Variants in TNN observed in about 807,000 individuals in gnomAD.
TNN encodes the protein tenascin-N.
A neutral mutation model predicts 134.4 loss-of-function variants in TNN; 122 were observed. The ratio of observed to expected loss-of-function variants is 0.91; its 90% CI spans 0.78 to 1.06. The LOEUF (loss-of-function observed/expected upper bound fraction) is 1.06, where lower values mean the gene tolerates loss of function less well. Among genes scored for constraint, TNN ranks in the 50% least tolerant of loss-of-function variants. The pLI, the probability that TNN is intolerant of heterozygous loss-of-function variation, is 0.00. For missense variants in TNN, 1,739 were observed against 1,699.4 expected (o/e 1.02, Z -0.41); for synonymous variants, 710 against 670.3 (o/e 1.06, Z -0.91).
chr1:175,095,156 G>A (rs569654967), intron 7 of TNN, among the ~76,000 whole-genome samples: 6 of 152,242 alleles, frequency 3.9e-5, no homozygotes, highest in South Asian at 2.1e-4. Context: ...GAAAGATTTC[G>A]TGGTGCACAG....
chr1:175,110,624 G>A (rs1488252869), intron 9 of TNN, among the ~76,000 whole-genome samples: 2 of 152,196 alleles, frequency 1.3e-5, no homozygotes, highest in Non-Finnish European at 2.9e-5. Flanking sequence ...TGATGAGCCT[G>A]TTCTTTCCCC....
intron 6 of TNN, among the ~76,000 whole-genome samples, chr1:175,087,546 T>A (rs186811146): frequency 1.2e-4 from 18 of 152,344 alleles, no homozygotes; most frequent in African/African-American, 4.3e-4. Flanking sequence ...GCTAAAGTGC[T>A]TCCCACTTTT....
intron 12 of TNN, 33 bp downstream of exon 12, chr1:175,123,696 C>T: frequency 6.2e-7 from 1 of 1,612,430 alleles, no homozygotes; most frequent in East Asian, 2.2e-5. Context: ...GGGAACACCT[C>T]ACACTTATCA....
At chr1:175,134,503 C>T (rs1336842074) in intron 15 of TNN, among the ~76,000 whole-genome samples, 1 of 151,018 alleles carries the variant, frequency 6.6e-6, no homozygotes, top group African/African-American at 2.4e-5. Flanking sequence ...CAAGATCACA[C>T]CACTGCACTC....
chr1:175,070,161 A>G (rs114544019), intron 1 of TNN, among the ~76,000 whole-genome samples: 3,449 of 152,286 alleles, frequency 0.023, 137 homozygotes, highest in African/African-American at 0.079. Context: ...AAAGTGATTC[A>G]TTCTCTGGGG....
Position 175,097,546 on chromosome 1 carries a change from C to A in TNN, c.1718C>A (p.Thr573Asn), listed in dbSNP as rs1425071501. ...VRYTSADDQE[T>N]REVLVGKEQS... ...TACACCTCTGCTGACGACCAAGAGA[C>A]CAGAGAGGTTCTGGTGGGGAAGGAG... Residue 573 changes from threonine (T) to asparagine (N), a missense_variant, in exon 8 of 19, where the codon ACC becomes AAC. By Grantham distance (65) the Thr-to-Asn change is moderately conservative (BLOSUM62 0). Coordinates refer to ENST00000239462, the MANE Select transcript of TNN (RefSeq NM_022093.2). The A allele has an allele frequency of 1.2e-5, 20 of 1,614,156 alleles. No individual in the cohort carries two copies. The highest frequency in any genetic ancestry group is 1.7e-5 in the Non-Finnish European group (20 of 1,180,034).
chr1:175,082,858 C>T (rs1431508273), intron 4 of TNN, among the ~76,000 whole-genome samples: 2 of 152,174 alleles, frequency 1.3e-5, no homozygotes, highest in Non-Finnish European at 2.9e-5. Flanking sequence ...CTCCCTCAGC[C>T]TGGGATATGG....
chr1:175,141,327 T>C (rs1675940024), intron 17 of TNN, among the ~76,000 whole-genome samples: 1 of 152,092 alleles, frequency 6.6e-6, no homozygotes, highest in African/African-American at 2.4e-5. Context: ...GGCTAACCAA[T>C]GATTTACAGC....
chr1:175,131,553 A>G (rs1252612425), intron 15 of TNN, among the ~76,000 whole-genome samples: 2 of 152,220 alleles, frequency 1.3e-5, no homozygotes, highest in Admixed American at 6.5e-5. Context: ...GAGTGAGTCA[A>G]TTAAGGCTGC....
At chr1:175,133,051 A>C (rs1048708436) in intron 15 of TNN, among the ~76,000 whole-genome samples, 1 of 152,226 alleles carries the variant, frequency 6.6e-6, no homozygotes, top group African/African-American at 2.4e-5. Flanking sequence ...GAATGCAAAG[A>C]AAAATAGGCA....
At position 175,137,787 on chromosome 1, in the gene TNN, G is replaced by A. The variant is rs930950244; in HGVS notation, c.3595+799G>A. Among the ~76,000 whole-genome samples, 7 of 152,298 alleles carry A rather than the reference G, an allele frequency of 4.6e-5. No homozygotes were observed. In the South Asian group the frequency reaches 8.3e-4, roughly 18 times the overall value. ...TTTGACATTTGCGTTTTTGACTTTG[G>A]TGTATTTACACAGGAATGTGTTACC... is the stretch of plus-strand genomic sequence containing the variant. On this transcript the variant is annotated intron_variant, in intron 17 of 18. Transcript: ENST00000239462.
Position 175,128,731 on chromosome 1 carries a change from C to G in TNN, c.3315C>G (p.Asp1105Glu). The change falls in exon 15 of 19, where the codon GAC becomes GAG. Residue 1105 changes from aspartate to glutamate, a missense_variant. Asp to Glu is a conservative substitution (Grantham distance 45). Transcript: ENST00000239462. ...AGGTGTACTGTGACATGGAAACGGA[C>G]GGAGGTGGCTGGATTGTGAGTCACG... is the stretch of plus-strand genomic sequence containing the variant. The part of the protein sequence containing the change: ...PLQVYCDMET[D>E]GGGWIVFQRR... 3 of 1,612,840 alleles carry G rather than the reference C, an allele frequency of 1.9e-6. No individual in the cohort carries two copies. The highest frequency in any genetic ancestry group is 2.5e-6 in the Non-Finnish European group (3 of 1,179,376).
At chr1:175,084,968 AGTGACACAGTGAGATCCTGT>A (rs1674290864) in intron 5 of TNN, among the ~76,000 whole-genome samples, 1 of 152,208 alleles carries the variant, frequency 6.6e-6, no homozygotes, top group Non-Finnish European at 1.5e-5. Flanking sequence ...CTCTAGCCTG[AGTGACACAGTGAGATCCTGT>A]CTCTAATAAA....
chr1:175,119,893 C>A (rs1675305149), intron 11 of TNN, among the ~76,000 whole-genome samples: 1 of 152,168 alleles, frequency 6.6e-6, no homozygotes, highest in African/African-American at 2.4e-5. Context: ...CTACCATGGC[C>A]TCCCAAAGTG....
rs1675194754 is a variant in TNN at position 175,116,940 on chromosome 1, C to T, written c.2121C>T (p.Asp707=). Residue 707 remains aspartate, a splice_region_variant and synonymous_variant, in exon 10 of 19, where the codon GAC becomes GAT. Coordinates refer to ENST00000239462, the MANE Select transcript of TNN (RefSeq NM_022093.2). ...TTGATCAGCAATTTTTTTTTTCAGA[C>T]ATTGACAGCCCCCAAAACCTGGTGA... ...SKKADTKAQT[D]IDSPQNLVTD... The T allele has an allele frequency of 2.5e-6, 4 of 1,613,302 alleles. No individual in the cohort carries two copies. The highest frequency in any genetic ancestry group is 3.4e-6 in the Non-Finnish European group (4 of 1,179,816).
chr1:175,098,262 T>G lies in TNN; in HGVS notation c.1856-70T>G. The G allele has an allele frequency of 3.1e-6, 5 of 1,598,760 alleles. No individual in the cohort carries two copies. In the East Asian group the frequency reaches 8.9e-5, roughly 29 times the overall value. ...AAAGAGCTCTGGAAGATGAAAATGA[T>G]GAAGATGGGGGTAAGGATATGTCTT... On this transcript the variant is annotated intron_variant, in intron 8 of 18. Transcript: ENST00000239462.
intron 17 of TNN, among the ~76,000 whole-genome samples, chr1:175,137,705 TA>T (rs1675849178): frequency 6.6e-6 from 1 of 152,226 alleles, no homozygotes; most frequent in Non-Finnish European, 1.5e-5. Context: ...ACCAATATTT[TA>T]AAAGCGGTAT....
chr1:175,082,776 G>A (rs892555187), intron 4 of TNN, among the ~76,000 whole-genome samples: 5 of 152,166 alleles, frequency 3.3e-5, no homozygotes, highest in Admixed American at 6.5e-5. Flanking sequence ...AGGTGGGGGC[G>A]TGACTGATGA....
chr1:175,082,755 C>T (rs1309715972), intron 4 of TNN, among the ~76,000 whole-genome samples: 1 of 152,164 alleles, frequency 6.6e-6, no homozygotes, highest in African/African-American at 2.4e-5. Flanking sequence ...GAGACACCTC[C>T]AGGGAGGTGA....
Sources: allele counts gnomAD v4.1 joint callset (sites outside exome capture counted in the v4.1 genomes callset), GRCh38; gene constraint gnomAD v4.1.1; transcripts MANE v1.5; gene names NCBI Gene and HGNC (gene_info 2026-07-23, HGNC 2026-07-21).